The following NTM variants were observed in gnomAD, a reference collection of about 807,000 sequenced individuals.
NTM encodes the protein IgLON family member 2.
Under a neutral mutation model 42.1 loss-of-function variants are expected in NTM, and 13 were observed. That is an observed-to-expected ratio of 0.31 (90% CI 0.20 to 0.49). The LOEUF is 0.49. NTM is among the 20% of genes least tolerant of loss of function. The pLI is 0.99. For synonymous variants in NTM, 187 were observed against 179.2 expected, an observed-to-expected ratio of 1.04 and a Z score of -0.35; for missense variants, 373 against 452.8, an observed-to-expected ratio of 0.82 and a Z score of 1.60.
chr11:132,194,198 C>T (rs575387994), intron 3 of NTM, among the ~76,000 whole-genome samples: 2 of 152,102 alleles, frequency 1.3e-5, no homozygotes, highest in South Asian at 4.2e-4. Context: ...CCATGATGAA[C>T]ATAGGTACAA....
chr11:131,654,706 A>G (rs2066955925), intron 1 of NTM, among the ~76,000 whole-genome samples: 1 of 151,958 alleles, frequency 6.6e-6, no homozygotes, highest in Admixed American at 6.6e-5. Context: ...TCTGGTTGTT[A>G]AAAAGGGCCT....
chr11:131,554,982 A>T (rs1301697350), intron 1 of NTM, among the ~76,000 whole-genome samples: 1 of 152,136 alleles, frequency 6.6e-6, no homozygotes, highest in East Asian at 1.9e-4. Flanking sequence ...AGGTCTTTTA[A>T]AAAAGCTATA....
intron 2 of NTM, among the ~76,000 whole-genome samples, chr11:131,989,102 A>G (rs1366674641): frequency 6.6e-6 from 1 of 152,204 alleles, no homozygotes; most frequent in East Asian, 1.9e-4. Context: ...TCACTGAGAT[A>G]CATCGTTAAA....
chr11:131,453,662 G>T (rs1344526596), intron 1 of NTM, among the ~76,000 whole-genome samples: 1 of 152,176 alleles, frequency 6.6e-6, no homozygotes, highest in Admixed American at 6.5e-5. Flanking sequence ...TTGTATGTTG[G>T]TATAAAATAT....
In NTM at chr11:132,133,921, G is replaced by T. The variant is rs539650716; in HGVS notation, c.168-12361G>T. On this transcript the variant is annotated intron_variant, in intron 2 of 8. Transcript: ENST00000683400. ...TTGAGGGCAGCTACAGCTGACTCTA[G>T]TCTTTCTTCCTCGGTGTTCTCTCTC... Among the ~76,000 whole-genome samples, 10 of 152,278 alleles carry T rather than the reference G, an allele frequency of 6.6e-5. 1 individual carries two copies. In the South Asian group the frequency reaches 2.1e-3, roughly 32 times the overall value.
At chr11:131,817,117 A>T (rs1785597496) in intron 1 of NTM, among the ~76,000 whole-genome samples, 1 of 152,116 alleles carries the variant, frequency 6.6e-6, no homozygotes, top group African/African-American at 2.4e-5. Flanking sequence ...GGCTGGGTCT[A>T]TTATTTTAGG....
intron 1 of NTM, among the ~76,000 whole-genome samples, chr11:131,675,915 A>G (rs1473393181): frequency 6.6e-6 from 1 of 152,216 alleles, no homozygotes; most frequent in Non-Finnish European, 1.5e-5. Context: ...TCCAGGGGCA[A>G]GGACTGGGGT....
chr11:132,083,389 A>T (rs1004552991), intron 2 of NTM, among the ~76,000 whole-genome samples: 5 of 152,180 alleles, frequency 3.3e-5, no homozygotes, highest in African/African-American at 7.2e-5. Context: ...GTGCAGCAAG[A>T]ATAATTATTT....
At chr11:131,645,886 T>C (rs923588690) in intron 1 of NTM, among the ~76,000 whole-genome samples, 1 of 152,168 alleles carries the variant, frequency 6.6e-6, no homozygotes, top group Non-Finnish European at 1.5e-5. Flanking sequence ...CTCTATACCA[T>C]TAGAAACGTT....
At chr11:131,453,505 A>T (rs138957097) in intron 1 of NTM, among the ~76,000 whole-genome samples, 2 of 152,064 alleles carry the variant, frequency 1.3e-5, no homozygotes, top group African/African-American at 4.8e-5. Context: ...AAAGAAAGAG[A>T]CTACAAAGCG....
At chr11:131,431,863 A>G (rs1948679505) in intron 1 of NTM, among the ~76,000 whole-genome samples, 1 of 152,054 alleles carries the variant, frequency 6.6e-6, no homozygotes, top group African/African-American at 2.4e-5. Flanking sequence ...ACAGTCCAGC[A>G]AAGAATCCCA....
chr11:131,758,524 C>T (rs900574008), intron 1 of NTM, among the ~76,000 whole-genome samples: 7 of 151,994 alleles, frequency 4.6e-5, no homozygotes, highest in Non-Finnish European at 5.9e-5. Context: ...CAGTTTTCTG[C>T]CTATTTTCTT....
intron 1 of NTM, among the ~76,000 whole-genome samples, chr11:131,598,225 CA>C (rs1371062703): frequency 6.6e-6 from 1 of 152,196 alleles, no homozygotes; most frequent in African/African-American, 2.4e-5. Context: ...AGAGATGCCT[CA>C]AGGGAATATT....
intron 2 of NTM, among the ~76,000 whole-genome samples, chr11:131,934,356 C>T (rs1482614601): frequency 6.6e-6 from 1 of 152,112 alleles, no homozygotes. Flanking sequence ...TACTTAGCTT[C>T]AGAGGCAGAA....
At position 132,264,972 on chromosome 11, in the gene NTM, T is replaced by C. The variant is rs562526559; in HGVS notation, c.527-42717T>C. ...ATGACCTTATCTAATCCTAATTGCT[T>C]CCCAAAAGCTCCACCTCCAATCAAC... On this transcript the variant is annotated intron_variant, in intron 4 of 8. Transcript: ENST00000683400. Among the ~76,000 whole-genome samples, 21 of 152,210 alleles carry C rather than the reference T, an allele frequency of 1.4e-4. No homozygotes were observed. In the South Asian group the frequency reaches 4.1e-3, roughly 30 times the overall value.
In NTM at chr11:132,335,210, T is replaced by C. The variant is rs1234079741; in HGVS notation, c.*64T>C. On this transcript the variant is annotated 3_prime_UTR_variant, in exon 9 of 9. Coordinates refer to ENST00000683400, the MANE Select transcript of NTM (RefSeq NM_001352005.2). ...ACCACCACCACCAACACAACAGCAA[T>C]GGCAACACCGACAGCAACCAATCAG... 4 of 1,559,720 alleles carry C rather than the reference T, an allele frequency of 2.6e-6. No homozygotes were observed. Among genetic ancestry groups the C allele is most frequent in the South Asian group, 1.1e-5 (1 of 88,808 alleles).
At chr11:131,894,249 C>T (rs2137564830) in intron 1 of NTM, among the ~76,000 whole-genome samples, 1 of 152,284 alleles carries the variant, frequency 6.6e-6, no homozygotes, top group South Asian at 2.1e-4. Flanking sequence ...CTCTGCTGTC[C>T]CCACCTCTCC....
chr11:131,692,228 G>C (rs1291466231), intron 1 of NTM, among the ~76,000 whole-genome samples: 4 of 152,192 alleles, frequency 2.6e-5, no homozygotes, highest in African/African-American at 9.7e-5. Context: ...CTCCCATGCA[G>C]ACCTCTGGGT....
chr11:132,198,782 G>C (rs1286741605), intron 3 of NTM, among the ~76,000 whole-genome samples: 1 of 152,190 alleles, frequency 6.6e-6, no homozygotes, highest in Non-Finnish European at 1.5e-5. Flanking sequence ...GAAGATAAGT[G>C]GGGAAGGAGG....
Sources: gnomAD v4.1 joint callset for allele counts (sites outside exome capture counted in the v4.1 genomes callset) on GRCh38, gnomAD v4.1.1 for gene constraint, MANE v1.5 for transcripts, NCBI Gene and HGNC (gene_info 2026-07-23, HGNC 2026-07-21) for gene names.